Variants in C2CD3 observed in about 807,000 individuals in gnomAD.
C2CD3 encodes the protein C2 domain containing 3 centriole elongation regulator, also known as C2 domain-containing protein 3.
A neutral mutation model predicts 234.0 loss-of-function variants in C2CD3; 148 were observed. The ratio of observed to expected loss-of-function variants is 0.63; its 90% CI spans 0.55 to 0.72. The LOEUF is 0.72. C2CD3 is among the 30% of genes least tolerant of loss of function. The pLI, the probability that C2CD3 is intolerant of heterozygous loss-of-function variation, is 0.00. For synonymous variants in C2CD3, 1,000 were observed against 1,035.4 expected (o/e 0.97, Z 0.66); for missense variants, 2,577 against 2,811.5 (o/e 0.92, Z 1.89).
At position 74,092,397 on chromosome 11, in the gene C2CD3, CA is replaced by C; in HGVS notation, c.3517+18del. 1 of 1,607,726 alleles carries C rather than the reference CA, an allele frequency of 6.2e-7. No homozygotes were observed. Among genetic ancestry groups the C allele is most frequent in the South Asian group, 1.1e-5 (1 of 90,848 alleles). On this transcript the variant is annotated intron_variant, in intron 19 of 32. Coordinates refer to ENST00000334126, the MANE Select transcript of C2CD3 (RefSeq NM_001286577.2). ...GTATACTGATTTTGAAAGAAAAAGA[CA>C]AACTTGTTTTCAATTACCTGATGAC...
intron 24 of C2CD3, among the ~76,000 whole-genome samples, chr11:74,063,229 A>G (rs1954335604): frequency 6.6e-6 from 1 of 152,226 alleles, no homozygotes; most frequent in African/African-American, 2.4e-5. Flanking sequence ...TTCCTTCTGA[A>G]ACTATTCCAA....
intron 20 of C2CD3, 131 bp from the exon 21 acceptor site, chr11:74,086,017 G>T: frequency 1.1e-6 from 1 of 944,020 alleles, no homozygotes; most frequent in Non-Finnish European, 1.5e-6. Flanking sequence ...TTTCTATCTA[G>T]GCTTTTGGCA....
At chr11:74,057,687 C>T in intron 24 of C2CD3, 143 bp from the exon 25 acceptor site, 1 of 874,458 alleles carries the variant, frequency 1.1e-6, no homozygotes. Flanking sequence ...GAAATGTTTT[C>T]AGGCTGGGTG....
rs1409929288 is a variant in C2CD3 at position 74,100,600 on chromosome 11, T to C, written c.2657A>G (p.Lys886Arg). Residue 886 changes from lysine to arginine, a missense_variant, in exon 15 of 33, where the codon AAG becomes AGG. Coordinates refer to ENST00000334126, the MANE Select transcript of C2CD3 (RefSeq NM_001286577.2). ...CTTGTCCTGTCCTGGGCTCCGCACC[T>C]TATTCCAAGTTTCAATTACCATCAC... The part of the protein sequence containing the change: ...NNVMVIETWN[K>R]VRSPGQDKLL... 1 of 1,614,056 alleles carries C rather than the reference T, an allele frequency of 6.2e-7. No homozygotes were observed.
intron 24 of C2CD3, among the ~76,000 whole-genome samples, chr11:74,063,590 AAAAACTCTCAAT>A (rs1315651871): frequency 6.6e-6 from 1 of 152,248 alleles, no homozygotes; most frequent in Admixed American, 6.5e-5. Flanking sequence ...CCTTCATGTT[AAAAACTCTCAAT>A]AAACTAGGTA....
intron 32 of C2CD3, among the ~76,000 whole-genome samples, chr11:74,015,311 C>CTCAT (rs1186649363): frequency 6.6e-6 from 1 of 152,232 alleles, no homozygotes; most frequent in East Asian, 1.9e-4. Flanking sequence ...TAGTAAGCTT[C>CTCAT]TCATTCATTC....
At position 74,170,815 on chromosome 11, in the gene C2CD3, C is replaced by T. The variant is rs778080377; in HGVS notation, c.-23G>A. On this transcript the variant is annotated 5_prime_UTR_variant, in exon 1 of 33. It adds an upstream start codon to the 5' untranslated region. Coordinates refer to ENST00000334126, the MANE Select transcript of C2CD3 (RefSeq NM_001286577.2). The stretch of plus-strand genomic sequence containing the variant: ...CATGATGAGCCCGAGCTCTTCTTCA[C>T]CAGCTCAACTCCGTCTCCAGCACCT... The T allele has an allele frequency of 2.0e-5, 33 of 1,614,094 alleles. No homozygotes were observed. The Admixed American group carries it at 5.3e-4, about 26-fold the overall frequency.
chr11:74,117,150 A>G (rs371871623), intron 9 of C2CD3, among the ~76,000 whole-genome samples: 3 of 54,586 alleles, frequency 5.5e-5, no homozygotes, highest in Non-Finnish European at 5.6e-5. Context: ...ATGAATATAT[A>G]TATATGAATA....
chr11:74,166,174 G>A (rs930398420), intron 2 of C2CD3, among the ~76,000 whole-genome samples: 2 of 151,876 alleles, frequency 1.3e-5, no homozygotes, highest in African/African-American at 4.8e-5. Flanking sequence ...GCTGGGTGTC[G>A]TGGCGGGCAC....
intron 11 of C2CD3, among the ~76,000 whole-genome samples, chr11:74,112,141 C>A (rs1331411186): frequency 6.6e-6 from 1 of 152,096 alleles, no homozygotes; most frequent in African/African-American, 2.4e-5. Flanking sequence ...ATTTAAAAAT[C>A]CCGTGTTACT....
rs1204897379 is a variant in C2CD3 at position 74,078,285 on chromosome 11, C to T, written c.4433G>A (p.Gly1478Asp). 3.1e-6 allele frequency: 5 copies of T among 1,614,132 alleles called. No individual in the cohort carries two copies. Among genetic ancestry groups the T allele is most frequent in the Middle Eastern group, 1.6e-4 (1 of 6,062 alleles). ...CCTGAAGTACCAAAGCAGTGATGGG[C>T]CCCTGGTGACTTCTGCTCTTTTGGA... ...KASKRAEVTR[G>D]PSLLWYFREE... is the part of the protein sequence containing the mutation. The change falls in exon 23 of 33, where the codon GGC becomes GAC. Residue 1478 changes from glycine to aspartate, a missense_variant. Coordinates refer to ENST00000334126, the MANE Select transcript of C2CD3 (RefSeq NM_001286577.2).
At chr11:74,145,523 A>G (rs567753487) in intron 3 of C2CD3, among the ~76,000 whole-genome samples, 98 of 152,232 alleles carry the variant, frequency 6.4e-4, no homozygotes, top group African/African-American at 2.3e-3. Context: ...CTCTGTTGAT[A>G]GTTTCTTTTG....
chr11:74,113,951 G>T, intron 10 of C2CD3, 59 bp from the exon 11 acceptor site: 1 of 1,025,348 alleles, frequency 9.8e-7, no homozygotes, highest in Non-Finnish European at 1.4e-6. Flanking sequence ...ATTTCCGTCT[G>T]ATAAATCCAA....
chr11:74,082,185 C>T (rs1199802993), intron 22 of C2CD3, among the ~76,000 whole-genome samples: 2 of 147,904 alleles, frequency 1.4e-5, no homozygotes, highest in Non-Finnish European at 3.0e-5. Context: ...TGCAGTGGTG[C>T]GATCTCTAAA....
intron 32 of C2CD3, among the ~76,000 whole-genome samples, chr11:74,024,259 G>C (rs1459225090): frequency 6.6e-6 from 1 of 152,170 alleles, no homozygotes; most frequent in Non-Finnish European, 1.5e-5. Context: ...TCTCTAAAAT[G>C]CTAAAAGAAA....
At chr11:74,092,943 T>C (rs1955953629) in intron 18 of C2CD3, among the ~76,000 whole-genome samples, 1 of 152,208 alleles carries the variant, frequency 6.6e-6, no homozygotes, top group Admixed American at 6.5e-5. Flanking sequence ...ATCTTCATGC[T>C]GAAGCCCCTC....
chr11:74,095,555 C>CA (rs1956074457), intron 16 of C2CD3, 147 bp from the exon 17 acceptor site: 3 of 548,614 alleles, frequency 5.5e-6, no homozygotes, highest in Non-Finnish European at 6.2e-6. Context: ...TTGTAACTCT[C>CA]ACAACTACTC....
At chr11:74,107,215 C>G (rs777382972) in intron 12 of C2CD3, among the ~76,000 whole-genome samples, 7 of 152,018 alleles carry the variant, frequency 4.6e-5, no homozygotes, top group Non-Finnish European at 8.8e-5. Context: ...ATCCCAGCTA[C>G]TCAGGAGGCT....
At chr11:74,040,462 T>G (rs951990488) in intron 29 of C2CD3, among the ~76,000 whole-genome samples, 9 of 145,758 alleles carry the variant, frequency 6.2e-5, no homozygotes, top group Middle Eastern at 7.0e-3. Context: ...AATAGGTTAG[T>G]TTTTTTTTTT....
Sources: gnomAD v4.1 joint callset for allele counts (sites outside exome capture counted in the v4.1 genomes callset) on GRCh38, gnomAD v4.1.1 for gene constraint, MANE v1.5 for transcripts, NCBI Gene and HGNC (gene_info 2026-07-23, HGNC 2026-07-21) for gene names.